The following ZCCHC14 variants were observed in gnomAD, a reference collection of about 807,000 sequenced individuals.
ZCCHC14 encodes zinc finger CCHC domain-containing protein 14.
In ZCCHC14, 16 loss-of-function variants were observed where a neutral mutation model predicts 85.0. The ratio of observed to expected loss-of-function variants is 0.19; its 90% CI spans 0.13 to 0.29. ZCCHC14 has a LOEUF of 0.29. Ranked by LOEUF, ZCCHC14 falls within the 10% of genes least tolerant of loss-of-function variation. ZCCHC14 has a pLI of 1.00. For synonymous variants in ZCCHC14, 775 were observed against 630.7 expected, an observed-to-expected ratio of 1.23 and a Z score of -3.43; for missense variants, 1,303 against 1,443.5, an observed-to-expected ratio of 0.90 and a Z score of 1.58.
intron 2 of ZCCHC14, among the ~76,000 whole-genome samples, chr16:87,438,152 G>A (rs757207198): frequency 3.3e-5 from 5 of 152,260 alleles, no homozygotes; most frequent in Admixed American, 6.5e-5. Context: ...AACCGGGCAC[G>A]CGCTCCAATG....
In ZCCHC14 at chr16:87,413,616, T is replaced by C. The variant is rs142497529; in HGVS notation, c.1604-421A>G. On this transcript the variant is annotated intron_variant, in intron 10 of 12. Coordinates refer to ENST00000671377, the MANE Select transcript of ZCCHC14 (RefSeq NM_015144.3). ...GAGCTACTGCTCCTCCGATTTCTAT[T>C]GTGAAGAAAACCCGGCTCCTCTTGT... is the stretch of plus-strand genomic sequence containing the variant. Among the ~76,000 whole-genome samples, 688 of 152,144 alleles carry C rather than the reference T, an allele frequency of 4.5e-3. 5 individuals are homozygous for C. Among genetic ancestry groups the C allele is most frequent in the African/African-American group, 0.015 (633 of 41,508 alleles).
In ZCCHC14 at chr16:87,420,477, G is replaced by T; in HGVS notation, c.950+130C>A. On this transcript the variant is annotated intron_variant, in intron 5 of 12. Transcript: ENST00000671377. The surrounding 1 kb of genome is among the most constrained non-coding windows in gnomAD (Gnocchi z 5.0). ...CCAGAACTAATGGAAATCCCTAGAG[G>T]CCAAGTAGAGACCCAGGTCCAGGTG... The T allele has an allele frequency of 1.5e-6, 1 of 651,946 alleles. No homozygotes were observed. The allele number at this position is 651,946 out of a possible 1,614,324, so 40.4% of individuals were successfully genotyped here. A position where few individuals can be genotyped will look rare whatever the true frequency, so the allele number is the denominator to read the frequency against.
intron 4 of ZCCHC14, among the ~76,000 whole-genome samples, chr16:87,423,410 T>A (rs1229317910): frequency 1.3e-5 from 2 of 151,874 alleles, no homozygotes; most frequent in Admixed American, 6.6e-5. Context: ...AATAAATAAA[T>A]AAATAAAAAC....
intron 2 of ZCCHC14, among the ~76,000 whole-genome samples, chr16:87,458,910 T>C (rs1297588828): frequency 6.6e-6 from 1 of 152,036 alleles, no homozygotes; most frequent in Non-Finnish European, 1.5e-5. Context: ...CTGGTCTCTG[T>C]CTCCCCACTA....
At chr16:87,422,990 A>C (rs540891601) in intron 4 of ZCCHC14, among the ~76,000 whole-genome samples, 8 of 152,338 alleles carry the variant, frequency 5.3e-5, no homozygotes, top group Non-Finnish European at 2.9e-5. Flanking sequence ...GTGTAATCAG[A>C]CATCGTCCTC....
chr16:87,412,154 T>C lies in ZCCHC14; in HGVS notation c.2567A>G (p.Asn856Ser), dbSNP rs1490921694. ...PSSHPSTSFANMATLPSCPAP... is the reference protein window; with the variant it reads ...PSSHPSTSFASMATLPSCPAP... ...TGGGCAGCTGGGCAACGTGGCCATG[T>C]TGGCAAAGGACGTGGAGGGGTGGCT... The change falls in exon 12 of 13, where the codon AAC becomes AGC. Residue 856 changes from asparagine (N) to serine (S), a missense_variant. Asn to Ser is a conservative substitution (Grantham distance 46, BLOSUM62 1). Coordinates refer to ENST00000671377, the MANE Select transcript of ZCCHC14 (RefSeq NM_015144.3). The C allele has an allele frequency of 6.2e-7, 1 of 1,613,968 alleles. No individual in the cohort carries two copies. Among genetic ancestry groups the C allele is most frequent in the South Asian group, 1.1e-5 (1 of 91,072 alleles).
At chr16:87,473,113 T>C (rs1437039939) in intron 1 of ZCCHC14, 2 of 152,122 alleles carry the variant, frequency 1.3e-5, no homozygotes, top group South Asian at 2.1e-4. Context: ...ACCCTCTCCA[T>C]TGCAGGCATA....
At chr16:87,463,366 C>T (rs548403514) in intron 1 of ZCCHC14, among the ~76,000 whole-genome samples, 6 of 152,244 alleles carry the variant, frequency 3.9e-5, no homozygotes, top group East Asian at 1.9e-4. Flanking sequence ...TGGGCGATAG[C>T]GAGACCCTGT....
chr16:87,472,078 G>A (rs1312711163), intron 1 of ZCCHC14: 1 of 152,322 alleles, frequency 6.6e-6, no homozygotes, highest in Non-Finnish European at 1.5e-5. Flanking sequence ...TGCTTGCACA[G>A]ACAAGTGCAA....
At position 87,415,376 on chromosome 16, in the gene ZCCHC14, G is replaced by A. The variant is rs766139155; in HGVS notation, c.1384-9C>T. The A allele has an allele frequency of 6.2e-7, 1 of 1,611,316 alleles. No homozygotes were observed. The highest frequency in any genetic ancestry group is 1.7e-5 in the Admixed American group (1 of 59,748). On this transcript the variant is annotated splice_polypyrimidine_tract_variant and intron_variant, in intron 8 of 12. Transcript: ENST00000671377. ...TCAGTAAGGCTCAAAAACTTTCACA[G>A]AAAAAACAAATTACAAAGTTACGGA...
intron 8 of ZCCHC14, among the ~76,000 whole-genome samples, chr16:87,416,510 C>A (rs112882618): frequency 0.011 from 1,725 of 152,188 alleles, 18 homozygotes; most frequent in Non-Finnish European, 0.019. Context: ...GTAATCCCAG[C>A]ACTTTGGGAG....
chr16:87,435,404 C>T (rs1206416986), intron 2 of ZCCHC14, among the ~76,000 whole-genome samples: 5 of 152,260 alleles, frequency 3.3e-5, no homozygotes, highest in South Asian at 4.1e-4. Context: ...CCCGCCCGTC[C>T]GTGAGCAGCT....
chr16:87,458,012 CAT>C (rs1378950600), intron 2 of ZCCHC14, among the ~76,000 whole-genome samples: 1 of 151,776 alleles, frequency 6.6e-6, no homozygotes, highest in African/African-American at 2.4e-5. Flanking sequence ...CCACAGCTCA[CAT>C]GAGAGTCAGC....
intron 1 of ZCCHC14, among the ~76,000 whole-genome samples, chr16:87,468,548 T>C (rs1251484417): frequency 1.3e-5 from 2 of 152,030 alleles, no homozygotes; most frequent in Admixed American, 1.3e-4. Flanking sequence ...AGGCTTAACC[T>C]ACAAACAGTT....
At chr16:87,418,328 G>T (rs1307739219) in intron 7 of ZCCHC14, among the ~76,000 whole-genome samples, 1 of 152,170 alleles carries the variant, frequency 6.6e-6, no homozygotes, top group Non-Finnish European at 1.5e-5. Flanking sequence ...CTGCTGACTG[G>T]GCGCTTACCC....
rs775260602 is a variant in ZCCHC14 at position 87,424,002 on chromosome 16, C to T, written c.769-121G>A. On this transcript the variant is annotated intron_variant, in intron 3 of 12. Coordinates refer to ENST00000671377, the MANE Select transcript of ZCCHC14 (RefSeq NM_015144.3). ...GCAGCTGAGCCCAGTGGGCCGTGCA[C>T]CTGCTGTGGGAAGCACCTAAGCATC... 8.1e-5 allele frequency: 80 copies of T among 991,028 alleles called. 1 individual carries two copies. The highest frequency in any genetic ancestry group is 1.2e-4 in the Non-Finnish European group (79 of 668,944). The allele number at this position is 991,028 out of a possible 1,614,324, so 61.4% of individuals were successfully genotyped here.
intron 1 of ZCCHC14, among the ~76,000 whole-genome samples, chr16:87,481,901 C>T (rs1912296765): frequency 6.6e-6 from 1 of 152,168 alleles, no homozygotes; most frequent in African/African-American, 2.4e-5. Flanking sequence ...CCAACAGCAA[C>T]AGCCTGTATC....
chr16:87,469,217 C>A (rs947828147), intron 1 of ZCCHC14, among the ~76,000 whole-genome samples: 1 of 152,182 alleles, frequency 6.6e-6, no homozygotes, highest in Admixed American at 6.5e-5. Context: ...CCGGCTATAA[C>A]CACCTTTTGT....
intron 3 of ZCCHC14, among the ~76,000 whole-genome samples, chr16:87,430,289 A>ATTT (rs1909586955): frequency 6.6e-6 from 1 of 152,046 alleles, no homozygotes; most frequent in African/African-American, 2.4e-5. Flanking sequence ...GTGTCTGCTG[A>ATTT]AAAGCGCATC....
Sources: gnomAD v4.1 joint callset for allele counts (sites outside exome capture counted in the v4.1 genomes callset) on GRCh38, gnomAD v4.1.1 for gene constraint, Gnocchi (gnomAD v3.1) non-coding constraint, MANE v1.5 for transcripts, NCBI Gene and HGNC (gene_info 2026-07-23, HGNC 2026-07-21) for gene names.